MYO9A: variants seen among roughly 807,000 people sequenced by gnomAD.
MYO9A encodes myosin IXA, also known as unconventional myosin-IXa.
In MYO9A, 103 loss-of-function variants were observed where a neutral mutation model predicts 293.3. That is an observed-to-expected ratio of 0.35 (90% CI 0.30 to 0.41). The LOEUF (loss-of-function observed/expected upper bound fraction) is 0.41, where lower values mean the gene tolerates loss of function less well. Among genes scored for constraint, MYO9A ranks in the 10% least tolerant of loss-of-function variants. The pLI is 1.00. For missense variants in MYO9A, 2,685 were observed against 3,033.0 expected (o/e 0.89, Z 2.69); for synonymous variants, 1,001 against 1,035.7 (o/e 0.97, Z 0.64).
chr15:72,084,250 T>C (rs1358741497), intron 1 of MYO9A, among the ~76,000 whole-genome samples: 2 of 152,220 alleles, frequency 1.3e-5, no homozygotes, highest in African/African-American at 2.4e-5. Context: ...TGTAATGCCC[T>C]TCTTTGTCCT....
intron 1 of MYO9A, among the ~76,000 whole-genome samples, chr15:72,060,402 AAAATAAAAAAT>A (rs1184196528): frequency 7.2e-5 from 11 of 152,004 alleles, no homozygotes; most frequent in South Asian, 2.1e-4. Flanking sequence ...ATAAAAAATA[AAAATAAAAAAT>A]AAATAAAAAA....
chr15:71,931,736 T>C (rs573425835), intron 18 of MYO9A, among the ~76,000 whole-genome samples: 180 of 152,306 alleles, frequency 1.2e-3, no homozygotes, highest in Non-Finnish European at 1.5e-3. Flanking sequence ...TGTTTCTCTA[T>C]TTGGAACATA....
At chr15:71,970,657 G>A (rs1328784849) in intron 12 of MYO9A, among the ~76,000 whole-genome samples, 3 of 152,080 alleles carry the variant, frequency 2.0e-5, no homozygotes, top group South Asian at 2.1e-4. Context: ...TCATAAAAAG[G>A]TTATTCAGTC....
rs899193875 is a variant in MYO9A at position 71,827,850 on chromosome 15, A to G, written c.7183+34T>C. 1.9e-6 allele frequency: 3 copies of G among 1,584,830 alleles called. No homozygotes were observed. The African/African-American group carries it at 4.1e-5, about 22-fold the overall frequency. On this transcript the variant is annotated intron_variant, in intron 41 of 41. Coordinates refer to ENST00000356056, the MANE Select transcript of MYO9A (RefSeq NM_006901.4). ...ATCTTTATTCCTCCTTTGCAAAACAAATCTGGAGTCTTTGGTCTACCATGT... is the reference window on the plus strand; with the variant it reads ...ATCTTTATTCCTCCTTTGCAAAACAGATCTGGAGTCTTTGGTCTACCATGT...
At chr15:72,105,386 G>A (rs2080530089) in intron 1 of MYO9A, among the ~76,000 whole-genome samples, 1 of 151,824 alleles carries the variant, frequency 6.6e-6, no homozygotes, top group Non-Finnish European at 1.5e-5. Context: ...ACAATGCTTG[G>A]CTAGTTCTTT....
At chr15:72,097,029 T>A (rs2080086047) in intron 1 of MYO9A, among the ~76,000 whole-genome samples, 1 of 152,214 alleles carries the variant, frequency 6.6e-6, no homozygotes, top group South Asian at 2.1e-4. Flanking sequence ...ATCTACTCCT[T>A]GAGAAGATGC....
At chr15:72,071,287 G>C (rs2079182037) in intron 1 of MYO9A, among the ~76,000 whole-genome samples, 1 of 151,850 alleles carries the variant, frequency 6.6e-6, no homozygotes, top group Non-Finnish European at 1.5e-5. Context: ...CAACAAATAT[G>C]AAAAAAATGC....
At position 71,840,462 on chromosome 15, in the gene MYO9A, T is replaced by C. The variant is rs139555205; in HGVS notation, c.6837+8383A>G. 1.5e-3 allele frequency among the ~76,000 whole-genome samples: 223 copies of C among 152,240 alleles called. 1 individual carries two copies. The highest frequency in any genetic ancestry group is 5.2e-3 in the African/African-American group (217 of 41,540). The stretch of plus-strand genomic sequence containing the variant: ...TGCCAAGTGGAGCCCATGGTAGTCA[T>C]ATGAGTCTGAAAGTTGAGCCTAAGA... On this transcript the variant is annotated intron_variant, in intron 39 of 41. Transcript: ENST00000356056.
chr15:71,956,330 A>AAAAAAAAAAATATATATATATATAT (rs10642655), intron 14 of MYO9A, among the ~76,000 whole-genome samples: 6 of 75,568 alleles, frequency 7.9e-5, no homozygotes, highest in African/African-American at 3.6e-4. Context: ...AAAAAAAAAA[A>AAAAAAAAAAATATATATATATATAT]ATATATATAT....
At chr15:71,948,147 C>G (rs546229682) in intron 15 of MYO9A, among the ~76,000 whole-genome samples, 13 of 152,192 alleles carry the variant, frequency 8.5e-5, no homozygotes, top group Non-Finnish European at 1.3e-4. Context: ...AAGTACAGGA[C>G]ATGCCTTATG....
chr15:71,830,645 T>C (rs923095527), intron 39 of MYO9A, among the ~76,000 whole-genome samples: 1 of 152,206 alleles, frequency 6.6e-6, no homozygotes, highest in African/African-American at 2.4e-5. Flanking sequence ...TTAATTAAAA[T>C]TGAACTAACA....
chr15:72,060,068 T>C (rs1478697379), intron 1 of MYO9A, among the ~76,000 whole-genome samples: 1 of 152,236 alleles, frequency 6.6e-6, no homozygotes, highest in Admixed American at 6.5e-5. Context: ...GCCATTATCA[T>C]CTTCCTGAGT....
At chr15:71,841,528 T>C (rs2055159655) in intron 39 of MYO9A, among the ~76,000 whole-genome samples, 2 of 152,246 alleles carry the variant, frequency 1.3e-5, no homozygotes, top group South Asian at 2.1e-4. Context: ...TATCCTAACA[T>C]AGAGTCATCC....
intron 19 of MYO9A, among the ~76,000 whole-genome samples, chr15:71,909,910 G>A (rs1363131852): frequency 1.3e-5 from 2 of 151,882 alleles, no homozygotes; most frequent in Admixed American, 1.3e-4. Flanking sequence ...GAGGAGGGAG[G>A]ATAGCTTAAG....
Position 71,938,857 on chromosome 15 carries a change from GT to G in MYO9A, c.2372del (p.Asn791ThrfsTer67). ...CATAAACCAAACACACTTACTGTTG[GT>G]TTTTTTCATTTAGAGCATTCATGCC... is the stretch of plus-strand genomic sequence containing the variant. ...LQGMNALNEK[N>X]QHDTFDIAWN... On this transcript the variant is annotated frameshift_variant, in exon 16 of 42. Coordinates refer to ENST00000356056, the MANE Select transcript of MYO9A (RefSeq NM_006901.4). LOFTEE classifies it high-confidence loss of function. 1.9e-6 allele frequency: 3 copies of G among 1,607,832 alleles called. No individual in the cohort carries two copies. Among genetic ancestry groups the G allele is most frequent in the Admixed American group, 3.4e-5 (2 of 59,318 alleles).
chr15:71,845,205 G>T (rs1016146532), intron 39 of MYO9A, among the ~76,000 whole-genome samples: 1 of 152,160 alleles, frequency 6.6e-6, no homozygotes, highest in Non-Finnish European at 1.5e-5. Context: ...GTTGTTTTGT[G>T]TGGTATTATA....
chr15:71,964,100 T>C (rs2075811369), intron 13 of MYO9A, among the ~76,000 whole-genome samples: 1 of 152,174 alleles, frequency 6.6e-6, no homozygotes, highest in Non-Finnish European at 1.5e-5. Flanking sequence ...CTGTAGGTTA[T>C]GTAGTAAAGT....
intron 18 of MYO9A, among the ~76,000 whole-genome samples, chr15:71,918,282 C>A (rs979286636): frequency 6.6e-6 from 1 of 152,068 alleles, no homozygotes; most frequent in Admixed American, 6.6e-5. Flanking sequence ...AGAAATTTCA[C>A]ATCTAGATAT....
chr15:71,859,583 A>G (rs2056027270), intron 34 of MYO9A, 152 bp downstream of exon 34: 4 of 569,026 alleles, frequency 7.0e-6, no homozygotes, highest in East Asian at 5.6e-5. Flanking sequence ...GAACTGGATC[A>G]TGGCATAAAA....
Sources: gnomAD v4.1 joint callset for allele counts (sites outside exome capture counted in the v4.1 genomes callset) on GRCh38, gnomAD v4.1.1 for gene constraint, MANE v1.5 for transcripts, NCBI Gene and HGNC (gene_info 2026-07-23, HGNC 2026-07-21) for gene names.